The following MAF variants were observed in gnomAD, a reference collection of about 807,000 sequenced individuals.
The protein encoded by MAF is transcription factor Maf.
Under a neutral mutation model 22.0 loss-of-function variants are expected in MAF, and 10 were observed. That is an observed-to-expected ratio of 0.45 (90% CI 0.28 to 0.77). MAF has a LOEUF of 0.77. Among genes scored for constraint, MAF ranks in the 30% least tolerant of loss-of-function variants. The pLI, the probability that MAF is intolerant of heterozygous loss-of-function variation, is 0.12. For missense variants in MAF, 544 were observed against 548.4 expected (o/e 0.99, Z 0.08); for synonymous variants, 337 against 255.8 (o/e 1.32, Z -3.03).
At chr16:79,482,674 C>T in the MAF span, among the ~76,000 whole-genome samples, 2 of 152,040 alleles carry the variant, frequency 1.3e-5, no homozygotes, top group Admixed American at 6.6e-5. Context: ...GTGGCCCTGC[C>T]CCAGGATGGG....
At chr16:79,234,553 A>G in the MAF span, among the ~76,000 whole-genome samples, 9 of 152,066 alleles carry the variant, frequency 5.9e-5, no homozygotes, top group Non-Finnish European at 1.0e-4. Flanking sequence ...AGTTAGATTC[A>G]TCTATAAAAG....
chr16:79,522,670 T>C, the MAF span, among the ~76,000 whole-genome samples: 1 of 152,152 alleles, frequency 6.6e-6, no homozygotes, highest in Non-Finnish European at 1.5e-5. Context: ...AGGGTCCCAG[T>C]AAAGTGCTCT....
chr16:79,599,281 C>G lies in MAF; in HGVS notation c.622G>C (p.Ala208Pro), dbSNP rs948657750. 2 of 978,998 alleles carry G rather than the reference C, an allele frequency of 2.0e-6. No homozygotes were observed. Among genetic ancestry groups the G allele is most frequent in the African/African-American group, 3.5e-5 (2 of 56,510 alleles). 60.6% of individuals were successfully genotyped at this position (978,998 alleles called of 1,614,324 possible). The change falls in exon 1 of 2, where the codon GCC becomes CCC. Residue 208 changes from alanine to proline, a missense_variant. By Grantham distance (27) the Ala-to-Pro change is conservative (BLOSUM62 -1). Transcript: ENST00000326043. The stretch of plus-strand genomic sequence containing the variant: ...GCGCCCCCAGCGCCACCGGCCGAGG[C>G]GGCCGCGCTGCCCGCGGCGCCGGGC... ...GAPGAAGSAA[A>P]SAGGAGGAGG...
At chr16:79,399,146 A>G in the MAF span, among the ~76,000 whole-genome samples, 5,356 of 152,244 alleles carry the variant, frequency 0.035, 219 homozygotes, top group African/African-American at 0.095. Flanking sequence ...CCTGCCATTG[A>G]ATTCCTACTC....
At chr16:79,470,233 T>A in the MAF span, among the ~76,000 whole-genome samples, 1 of 152,228 alleles carries the variant, frequency 6.6e-6, no homozygotes, top group African/African-American at 2.4e-5. Flanking sequence ...TTCCTTGAAA[T>A]GTCCCTTTCC....
chr16:79,261,067 G>A, the MAF span, among the ~76,000 whole-genome samples: 7 of 152,084 alleles, frequency 4.6e-5, no homozygotes, highest in Non-Finnish European at 8.8e-5. Context: ...GAGAAGCAGT[G>A]GGGTGAAAGG....
the MAF span, among the ~76,000 whole-genome samples, chr16:79,460,758 A>G: frequency 1.3e-5 from 2 of 152,212 alleles, no homozygotes; most frequent in African/African-American, 4.8e-5. Flanking sequence ...ACTTTAAAAC[A>G]TTAAAAAATT....
the MAF span, among the ~76,000 whole-genome samples, chr16:79,445,390 G>A: frequency 6.6e-6 from 1 of 152,132 alleles, no homozygotes; most frequent in South Asian, 2.1e-4. Context: ...AGCACAGGTT[G>A]TTTGTTTGTT....
At chr16:79,333,160 C>T in the MAF span, among the ~76,000 whole-genome samples, 2 of 152,206 alleles carry the variant, frequency 1.3e-5, no homozygotes, top group East Asian at 1.9e-4. Context: ...CGGGTGATGG[C>T]GGTCCTGGCT....
At chr16:79,587,786 A>G (rs1391807019) in intron 1 of MAF, among the ~76,000 whole-genome samples, 2 of 145,894 alleles carry the variant, frequency 1.4e-5, no homozygotes, top group African/African-American at 5.0e-5. Context: ...TTTTTAGATC[A>G]TTGGTGTCAT....
the MAF span, among the ~76,000 whole-genome samples, chr16:79,292,696 A>G: frequency 6.6e-6 from 1 of 152,202 alleles, no homozygotes; most frequent in Non-Finnish European, 1.5e-5. Flanking sequence ...AGGATGAGAT[A>G]CAAGGTTAGC....
At chr16:79,325,590 CA>C in the MAF span, among the ~76,000 whole-genome samples, 1 of 139,608 alleles carries the variant, frequency 7.2e-6, no homozygotes, top group African/African-American at 3.0e-5. Flanking sequence ...CACAGATACC[CA>C]GACACAAACA....
the MAF span, among the ~76,000 whole-genome samples, chr16:79,308,769 T>G: frequency 6.6e-6 from 1 of 152,186 alleles, no homozygotes; most frequent in African/African-American, 2.4e-5. Context: ...GCTAGAAAGT[T>G]GCAGAGCTGG....
chr16:79,588,848 T>C (rs369744908), downstream of MAF, among the ~76,000 whole-genome samples: 9 of 152,134 alleles, frequency 5.9e-5, no homozygotes, highest in Admixed American at 3.3e-4. Context: ...AAATAAATTT[T>C]TTAAGCCAGA....
the MAF span, among the ~76,000 whole-genome samples, chr16:79,414,320 C>T: frequency 2.0e-5 from 3 of 152,122 alleles, no homozygotes; most frequent in Non-Finnish European, 4.4e-5. Flanking sequence ...TCTGGTGAGG[C>T]CTCAGGAAGA....
the MAF span, among the ~76,000 whole-genome samples, chr16:79,231,338 G>T: frequency 6.6e-6 from 1 of 152,048 alleles, no homozygotes; most frequent in Non-Finnish European, 1.5e-5. Context: ...CTGGAAATGA[G>T]CTCTTGCTGC....
At chr16:79,457,890 G>T in the MAF span, among the ~76,000 whole-genome samples, 1 of 152,104 alleles carries the variant, frequency 6.6e-6, no homozygotes. Flanking sequence ...GAAAGAAAAT[G>T]ACTCAGGTGT....
the MAF span, chr16:79,211,976 G>GGTAAA: frequency 0.052 from 79,265 of 1,535,944 alleles, 2,761 homozygotes; most frequent in African/African-American, 0.17. Flanking sequence ...GAATTCCTGG[G>GGTAAA]GTAAAGTATC....
rs759815012 is a variant in MAF, at chr16:79,599,589, G to A, written c.314C>T (p.Ala105Val). Residue 105 changes from alanine to valine, a missense_variant, in exon 1 of 2, where the codon GCG becomes GTG. Around this residue, in one of 5 missense-constraint regions of MAF, gnomAD observed 342 missense variants for 315.5 expected, o/e 1.08. Coordinates refer to ENST00000326043, the MANE Select transcript of MAF (RefSeq NM_005360.5). ...TGYPQQLNPEALGFSPEDAVE... is the reference protein window; with the variant it reads ...TGYPQQLNPEVLGFSPEDAVE... ...CGCGTCCTCGGGGCTGAAGCCCAGCGCCTCGGGGTTCAGCTGCTGCGGGTA... is the reference window on the plus strand; with the variant it reads ...CGCGTCCTCGGGGCTGAAGCCCAGCACCTCGGGGTTCAGCTGCTGCGGGTA... The A allele has an allele frequency of 1.2e-6, 2 of 1,607,370 alleles. No individual in the cohort carries two copies.
Sources: gnomAD v4.1 joint callset for allele counts (sites outside exome capture counted in the v4.1 genomes callset) on GRCh38, gnomAD v4.1.1 for gene constraint, gnomAD v4.1.1 regional missense constraint, MANE v1.5 for transcripts, NCBI Gene and HGNC (gene_info 2026-07-23, HGNC 2026-07-21) for gene names.